VPS13B: variants seen among roughly 807,000 people sequenced by gnomAD.
VPS13B encodes vacuolar protein sorting 13 homolog B.
Under a neutral mutation model 426.4 loss-of-function variants are expected in VPS13B, and 285 were observed. The observed-to-expected ratio is 0.67, with a 90% CI of 0.61 to 0.74. The LOEUF (loss-of-function observed/expected upper bound fraction) is 0.74. Among genes scored for constraint, VPS13B ranks in the 30% least tolerant of loss-of-function variants. VPS13B has a pLI of 0.00. For missense variants in VPS13B, 4,537 were observed against 4,782.6 expected (o/e 0.95, Z 1.51); for synonymous variants, 1,676 against 1,676.4 (o/e 1.00, Z 0.01).
At chr8:99,862,257 G>A (rs1051913173) in intron 58 of VPS13B, among the ~76,000 whole-genome samples, 6 of 152,226 alleles carry the variant, frequency 3.9e-5, no homozygotes, top group Admixed American at 2.6e-4. Flanking sequence ...GCATCCAGCT[G>A]TTGGCTTTCT....
At chr8:99,772,686 T>C (rs568539365) in intron 40 of VPS13B, among the ~76,000 whole-genome samples, 1 of 152,362 alleles carries the variant, frequency 6.6e-6, no homozygotes, top group Non-Finnish European at 1.5e-5. Context: ...GAAAACCTTT[T>C]CCCCTGTTTT....
chr8:99,104,131 C>A (rs1846915713), intron 5 of VPS13B, among the ~76,000 whole-genome samples: 1 of 152,150 alleles, frequency 6.6e-6, no homozygotes, highest in South Asian at 2.1e-4. Context: ...AGCCAGTACA[C>A]AACCTCAGGT....
At chr8:99,569,230 C>T (rs1295949340) in intron 31 of VPS13B, among the ~76,000 whole-genome samples, 1 of 151,986 alleles carries the variant, frequency 6.6e-6, no homozygotes, top group East Asian at 1.9e-4. Flanking sequence ...GCTCTGTGCA[C>T]CAGCCTGGGC....
intron 8 of VPS13B, among the ~76,000 whole-genome samples, chr8:99,133,926 A>G (rs960462153): frequency 2.0e-5 from 3 of 152,240 alleles, no homozygotes; most frequent in Non-Finnish European, 4.4e-5. Flanking sequence ...CAAAGTAAGC[A>G]TGTGCTATTG....
At chr8:99,367,302 G>T (rs1219808002) in intron 19 of VPS13B, among the ~76,000 whole-genome samples, 1 of 152,128 alleles carries the variant, frequency 6.6e-6, no homozygotes. Context: ...TTTCCCTTCA[G>T]AACTTTAAAT....
chr8:99,679,977 T>TA (rs1325039643), intron 35 of VPS13B, among the ~76,000 whole-genome samples: 1 of 152,220 alleles, frequency 6.6e-6, no homozygotes, highest in African/African-American at 2.4e-5. Flanking sequence ...TTGCATTTAC[T>TA]AAGATGGTGA....
intron 21 of VPS13B, among the ~76,000 whole-genome samples, chr8:99,397,244 C>A (rs1029967306): frequency 6.6e-6 from 1 of 152,132 alleles, no homozygotes; most frequent in African/African-American, 2.4e-5. Context: ...CTCCTGAGTT[C>A]AAAAGATTCT....
At chr8:99,123,636 G>A (rs559519412) in intron 8 of VPS13B, among the ~76,000 whole-genome samples, 2 of 152,202 alleles carry the variant, frequency 1.3e-5, no homozygotes, top group East Asian at 3.9e-4. Flanking sequence ...GCAAGAGATG[G>A]TAATGACTTG....
At chr8:99,184,977 G>A (rs1242434661) in intron 16 of VPS13B, among the ~76,000 whole-genome samples, 3 of 152,114 alleles carry the variant, frequency 2.0e-5, no homozygotes, top group Non-Finnish European at 2.9e-5. Flanking sequence ...GGGACAGAGC[G>A]AGACTCTGCT....
chr8:99,147,932 C>T lies in VPS13B; in HGVS notation c.1935C>T (p.Leu645=). Residue 645 remains leucine, a synonymous_variant, in exon 14 of 62, where the codon CTC becomes CTT. Coordinates refer to ENST00000357162, the MANE Select transcript of VPS13B (RefSeq NM_152564.5). ...YIPTRHTSVT[L]LKCTCTISMA... ...CTACTCGACATACAAGTGTTACTCT[C>T]CTCAAATGTACCTGCACAATTTCCA... The T allele has an allele frequency of 6.2e-7, 1 of 1,613,836 alleles. No homozygotes were observed. The highest frequency in any genetic ancestry group is 1.6e-4 in the Middle Eastern group (1 of 6,062).
intron 30 of VPS13B, among the ~76,000 whole-genome samples, chr8:99,525,927 A>G (rs1368722239): frequency 1.3e-5 from 2 of 152,188 alleles, no homozygotes; most frequent in African/African-American, 4.8e-5. Flanking sequence ...TGCCAGGGGA[A>G]TTTAGCAGGC....
At chr8:99,275,306 TTCC>T in intron 19 of VPS13B, 52 bp downstream of exon 19, 1 of 1,472,712 alleles carries the variant, frequency 6.8e-7, no homozygotes, top group Non-Finnish European at 9.0e-7. Flanking sequence ...TTTTTTTTTT[TTCC>T]AGAAAGGCTT....
chr8:99,237,193 G>C (rs546938181), intron 17 of VPS13B, among the ~76,000 whole-genome samples: 137 of 152,214 alleles, frequency 9.0e-4, no homozygotes, highest in African/African-American at 3.0e-3. Context: ...GCTCAGTCTC[G>C]GGTATGTCTT....
At chr8:99,131,124 C>A (rs1200097293) in intron 8 of VPS13B, among the ~76,000 whole-genome samples, 3 of 151,980 alleles carry the variant, frequency 2.0e-5, no homozygotes, top group African/African-American at 7.3e-5. Flanking sequence ...AAAAAAGTAA[C>A]CTTTTCTTTT....
intron 3 of VPS13B, among the ~76,000 whole-genome samples, chr8:99,094,293 A>T (rs1367399560): frequency 6.6e-6 from 1 of 152,152 alleles, no homozygotes; most frequent in Admixed American, 6.5e-5. Flanking sequence ...ATGTGCTTTT[A>T]ATGTTAATGT....
chr8:99,734,016 A>G (rs1025010606), intron 39 of VPS13B, among the ~76,000 whole-genome samples: 2 of 152,166 alleles, frequency 1.3e-5, no homozygotes, highest in African/African-American at 4.8e-5. Flanking sequence ...TTTAGCTTTC[A>G]CCTTCTGGTC....
At chr8:99,216,039 A>G (rs1251564684) in intron 17 of VPS13B, among the ~76,000 whole-genome samples, 6 of 152,212 alleles carry the variant, frequency 3.9e-5, no homozygotes. Context: ...ACATTCCTAC[A>G]TTGAATTAAA....
intron 34 of VPS13B, among the ~76,000 whole-genome samples, chr8:99,660,736 G>GA (rs1166479998): frequency 1.3e-5 from 2 of 151,486 alleles, no homozygotes; most frequent in African/African-American, 2.4e-5. Context: ...GTATTAAACA[G>GA]AAAAAAAGTC....
At chr8:99,875,394 A>ATCTT (rs751184801) in intron 61 of VPS13B, 24 bp from the exon 62 acceptor site, 14 of 1,614,120 alleles carry the variant, frequency 8.7e-6, no homozygotes, top group East Asian at 4.5e-5. Context: ...CTGGCAACTA[A>ATCTT]TCTTTATTAT....
Sources: gnomAD v4.1 joint callset for allele counts (sites outside exome capture counted in the v4.1 genomes callset) on GRCh38, gnomAD v4.1.1 for gene constraint, MANE v1.5 for transcripts, NCBI Gene and HGNC (gene_info 2026-07-23, HGNC 2026-07-21) for gene names.